The following NT5DC1 variants were observed in gnomAD, a reference collection of about 807,000 sequenced individuals.
The protein encoded by NT5DC1 is 5'-nucleotidase domain containing 1, also known as 5'-nucleotidase domain-containing protein 1.
NT5DC1 carries 42 observed loss-of-function variants against 59.4 expected under a neutral mutation model. The ratio of observed to expected loss-of-function variants is 0.71; its 90% CI spans 0.55 to 0.92. The LOEUF (loss-of-function observed/expected upper bound fraction) is 0.92, where lower values mean the gene tolerates loss of function less well. NT5DC1 is among the 40% of genes least tolerant of loss of function. The probability of loss-of-function intolerance (pLI) is 0.00; values close to 1 mark genes in which losing one functional copy is unlikely to be tolerated. For synonymous variants in NT5DC1, 172 were observed against 188.1 expected (o/e 0.91, Z 0.70); for missense variants, 501 against 537.1 (o/e 0.93, Z 0.66).
At position 116,137,952 on chromosome 6, in the gene NT5DC1, G is replaced by T. The variant is rs186643817; in HGVS notation, c.529+20007G>T. On this transcript the variant is annotated intron_variant, in intron 6 of 11. Coordinates refer to ENST00000319550, the MANE Select transcript of NT5DC1 (RefSeq NM_152729.3). The stretch of plus-strand genomic sequence containing the variant: ...AAATTAGCCAGGCGTGGTGGTGTGT[G>T]TCTGTAATCCAAGCTACACAGGAGG... 2.6e-3 allele frequency among the ~76,000 whole-genome samples: 394 copies of T among 152,166 alleles called. 10 individuals carry two copies. In the South Asian group the frequency reaches 0.043, roughly 17 times the overall value.
intron 6 of NT5DC1, among the ~76,000 whole-genome samples, chr6:116,132,035 A>C (rs1429649328): frequency 1.3e-5 from 2 of 152,142 alleles, no homozygotes; most frequent in Non-Finnish European, 2.9e-5. Flanking sequence ...ATAGTATTCC[A>C]TGGGGTATAT....
chr6:116,205,351 C>A (rs1019135865), intron 6 of NT5DC1, among the ~76,000 whole-genome samples: 4 of 151,716 alleles, frequency 2.6e-5, no homozygotes, highest in Non-Finnish European at 4.4e-5. Flanking sequence ...TTTTATGTTT[C>A]AAAATTTAGA....
intron 6 of NT5DC1, among the ~76,000 whole-genome samples, chr6:116,142,192 C>T (rs1324143429): frequency 6.6e-6 from 1 of 151,758 alleles, no homozygotes; most frequent in Non-Finnish European, 1.5e-5. Context: ...ACAGTTGTTC[C>T]ATTTTATTTT....
Position 116,239,003 on chromosome 6 carries a change from TTTTTTATTGATTCAG to T in NT5DC1, c.1137_1151del (p.Phe379_Val383del). The T allele has an allele frequency of 1.9e-6, 3 of 1,609,910 alleles. No individual in the cohort carries two copies. The highest frequency in any genetic ancestry group is 2.6e-6 in the Non-Finnish European group (3 of 1,176,422). On this transcript the variant is annotated inframe_deletion, in exon 11 of 12. Transcript: ENST00000319550. ...TACTTCATCTAAAAAATGGGGCTCT[TTTTTTATTGATTCAG>T]TTTTGGGACTGGAAAATACAGAAGA...
intron 6 of NT5DC1, among the ~76,000 whole-genome samples, chr6:116,143,507 C>T (rs189280147): frequency 1.7e-3 from 265 of 152,122 alleles, no homozygotes; most frequent in African/African-American, 6.0e-3. Flanking sequence ...CCACTGTGCC[C>T]GGCCTTTCCC....
chr6:116,107,540 T>TTTTTCTTTTA (rs1554191899), intron 2 of NT5DC1, among the ~76,000 whole-genome samples: 1 of 132,606 alleles, frequency 7.5e-6, no homozygotes, highest in African/African-American at 2.8e-5. Flanking sequence ...AGTGGTTTTC[T>TTTTTCTTTTA]TTTTATTTTA....
Position 116,150,660 on chromosome 6 carries a change from T to A in NT5DC1, c.529+32715T>A, listed in dbSNP as rs554836413. 2.0e-5 allele frequency among the ~76,000 whole-genome samples: 3 copies of A among 152,334 alleles called. No individual in the cohort carries two copies. In the East Asian group the frequency reaches 5.8e-4, roughly 29 times the overall value. On this transcript the variant is annotated intron_variant, in intron 6 of 11. Transcript: ENST00000319550. ...GGACAAGAGTGAGTTTTAGGTACTT[T>A]ACCTAACTTTCAGAGATTGGAGCAT...
intron 5 of NT5DC1, among the ~76,000 whole-genome samples, chr6:116,117,397 A>G (rs187086192): frequency 8.5e-5 from 13 of 152,338 alleles, no homozygotes; most frequent in Admixed American, 6.5e-4. Flanking sequence ...TGTAAAATAT[A>G]AACTTATATC....
chr6:116,117,826 T>C (rs376478169), intron 5 of NT5DC1, 35 bp from the exon 6 acceptor site: 9 of 1,213,480 alleles, frequency 7.4e-6, no homozygotes, highest in East Asian at 7.0e-5. Flanking sequence ...AAAACTGAAT[T>C]ATTGTGTTTG....
chr6:116,131,287 C>G (rs1457808517), intron 6 of NT5DC1, among the ~76,000 whole-genome samples: 1 of 152,168 alleles, frequency 6.6e-6, no homozygotes, highest in African/African-American at 2.4e-5. Context: ...AAGGAATATT[C>G]AGAGAAGGGT....
At chr6:116,188,921 A>G (rs1326957093) in intron 6 of NT5DC1, among the ~76,000 whole-genome samples, 3 of 152,016 alleles carry the variant, frequency 2.0e-5, no homozygotes, top group Admixed American at 1.3e-4. Flanking sequence ...CTTCACTACC[A>G]TTTTGCAGAG....
chr6:116,149,419 A>G (rs1239586405), intron 6 of NT5DC1, among the ~76,000 whole-genome samples: 1 of 152,172 alleles, frequency 6.6e-6, no homozygotes, highest in Non-Finnish European at 1.5e-5. Context: ...CATTTTTAGG[A>G]TTATGATTTT....
At chr6:116,148,948 G>A (rs1323421101) in intron 6 of NT5DC1, among the ~76,000 whole-genome samples, 1 of 152,126 alleles carries the variant, frequency 6.6e-6, no homozygotes, top group African/African-American at 2.4e-5. Context: ...CCAGTCTTTT[G>A]TTTTTAATCT....
chr6:116,114,698 A>C (rs1778934135), intron 4 of NT5DC1, among the ~76,000 whole-genome samples: 1 of 152,090 alleles, frequency 6.6e-6, no homozygotes, highest in Non-Finnish European at 1.5e-5. Context: ...CAGAGTGGTT[A>C]CTCCTGATCC....
rs149193974 is a variant in NT5DC1, at chr6:116,103,797, CCTCT to C, written c.94-2444_94-2441del. Among the ~76,000 whole-genome samples the C allele has an allele frequency of 2.6e-5, 4 of 152,236 alleles. No homozygotes were observed. The East Asian group carries it at 7.7e-4, about 29-fold the overall frequency. On this transcript the variant is annotated intron_variant, in intron 1 of 11. Coordinates refer to ENST00000319550, the MANE Select transcript of NT5DC1 (RefSeq NM_152729.3). ...GAAGAGAGGATGACACATGGTTTCT[CCTCT>C]CTAAGGTTGCAGACTCAGAAGTCTG...
intron 11 of NT5DC1, among the ~76,000 whole-genome samples, chr6:116,240,853 T>G (rs1377984961): frequency 2.0e-5 from 3 of 152,074 alleles, no homozygotes; most frequent in Admixed American, 6.5e-5. Flanking sequence ...AGAATAAAAG[T>G]AAAATATTGG....
intron 2 of NT5DC1, among the ~76,000 whole-genome samples, chr6:116,107,650 G>A (rs1404439330): frequency 6.6e-6 from 1 of 151,374 alleles, no homozygotes; most frequent in Non-Finnish European, 1.5e-5. Context: ...TCGGCTCACT[G>A]CAAGCTCTGC....
intron 6 of NT5DC1, among the ~76,000 whole-genome samples, chr6:116,192,307 A>G (rs566854491): frequency 2.0e-5 from 3 of 152,114 alleles, no homozygotes; most frequent in South Asian, 4.2e-4. Flanking sequence ...GGAGCTCTCA[A>G]TAAATATCAG....
chr6:116,121,413 C>T (rs780876635), intron 6 of NT5DC1: 1 of 1,614,022 alleles, frequency 6.2e-7, no homozygotes, highest in Non-Finnish European at 8.5e-7. Flanking sequence ...CCTCTATCAC[C>T]TTTGATGCCT....
Sources: allele counts gnomAD v4.1 joint callset (sites outside exome capture counted in the v4.1 genomes callset), GRCh38; gene constraint gnomAD v4.1.1; transcripts MANE v1.5; gene names NCBI Gene and HGNC (gene_info 2026-07-23, HGNC 2026-07-21).